The following DNM3 variants were observed in gnomAD, a reference collection of about 807,000 sequenced individuals.
DNM3 encodes dynamin 3, also known as dynamin-3.
Under a neutral mutation model 101.6 loss-of-function variants are expected in DNM3, and 47 were observed. The observed-to-expected ratio is 0.46, with a 90% CI of 0.37 to 0.59. DNM3 has a LOEUF of 0.59. Ranked by LOEUF, DNM3 falls within the 20% of genes least tolerant of loss-of-function variation. DNM3 has a pLI of 0.00. For missense variants in DNM3, 849 were observed against 1,085.7 expected (o/e 0.78, Z 3.06); for synonymous variants, 385 against 387.9 (o/e 0.99, Z 0.09).
rs553235608 is a variant in DNM3 at position 171,895,031 on chromosome 1, C to T, written c.162-26717C>T. Among the ~76,000 whole-genome samples the T allele has an allele frequency of 2.6e-5, 4 of 152,304 alleles. No individual in the cohort carries two copies. In the South Asian group the frequency reaches 8.3e-4, roughly 32 times the overall value. On this transcript the variant is annotated intron_variant, in intron 1 of 20. Transcript: ENST00000627582. ...ATGTGCCACATTTTCTTAATCCAGT[C>T]TATCATTGATGGACATTTGGGTTGG...
intron 14 of DNM3, among the ~76,000 whole-genome samples, chr1:172,234,612 C>G (rs2148622614): frequency 6.6e-6 from 1 of 152,270 alleles, no homozygotes; most frequent in African/African-American, 2.4e-5. Flanking sequence ...CTGGAGGCAT[C>G]ACGCTACCTG....
At chr1:172,024,791 C>T (rs926135806) in intron 4 of DNM3, among the ~76,000 whole-genome samples, 12 of 152,218 alleles carry the variant, frequency 7.9e-5, no homozygotes, top group African/African-American at 2.2e-4. Context: ...GCTTTTCCCA[C>T]GGTCTTCACA....
At chr1:171,899,057 C>T (rs2038072536) in intron 1 of DNM3, among the ~76,000 whole-genome samples, 1 of 152,222 alleles carries the variant, frequency 6.6e-6, no homozygotes, top group African/African-American at 2.4e-5. Context: ...CCTCCGGACG[C>T]TTGCCTAGCT....
chr1:171,888,298 G>A (rs2036959323), intron 1 of DNM3, among the ~76,000 whole-genome samples: 1 of 152,008 alleles, frequency 6.6e-6, no homozygotes, highest in Admixed American at 6.6e-5. Context: ...TAAAACCAAG[G>A]TCAAATGAAA....
intron 14 of DNM3, among the ~76,000 whole-genome samples, chr1:172,187,234 C>A (rs1028342677): frequency 1.3e-5 from 2 of 152,152 alleles, no homozygotes; most frequent in East Asian, 3.9e-4. Context: ...ATTTTTCACA[C>A]CACTTACGCT....
intron 14 of DNM3, among the ~76,000 whole-genome samples, chr1:172,200,256 G>A (rs538899714): frequency 1.3e-5 from 2 of 152,192 alleles, no homozygotes; most frequent in Admixed American, 6.5e-5. Flanking sequence ...GGCTTATAGG[G>A]TTTCAGCTGG....
intron 2 of DNM3, among the ~76,000 whole-genome samples, chr1:171,940,157 C>T (rs528276692): frequency 2.0e-4 from 31 of 152,284 alleles, no homozygotes; most frequent in African/African-American, 6.7e-4. Flanking sequence ...TTTGTACTCA[C>T]TCTAGGTGTT....
intron 17 of DNM3, chr1:172,376,375 T>A (rs1573655056): frequency 1.3e-5 from 2 of 152,102 alleles, no homozygotes; most frequent in African/African-American, 4.8e-5. Context: ...TTGATGAGGA[T>A]AATGATAAAC....
intron 4 of DNM3, among the ~76,000 whole-genome samples, chr1:171,998,915 G>T (rs61805849): frequency 0.089 from 13,482 of 152,112 alleles, 843 homozygotes; most frequent in Non-Finnish European, 0.14. Context: ...CAAGGAGGAT[G>T]TTGAGGCTGG....
Position 172,281,999 on chromosome 1 carries a change from A to G in DNM3, c.1770-26729A>G, listed in dbSNP as rs552290249. On this transcript the variant is annotated intron_variant, in intron 15 of 20. Coordinates refer to ENST00000627582, the MANE Select transcript of DNM3 (RefSeq NM_015569.5). The stretch of plus-strand genomic sequence containing the variant: ...CTTTGCTCTGAAATTTCTAAATTAT[A>G]TAACATTGGCATTGAAAGAGACCAA... 1.3e-4 allele frequency among the ~76,000 whole-genome samples: 20 copies of G among 152,346 alleles called. No homozygotes were observed. The East Asian group carries it at 3.3e-3, about 25-fold the overall frequency.
chr1:172,257,194 T>C (rs951044741), intron 15 of DNM3, among the ~76,000 whole-genome samples: 1 of 152,106 alleles, frequency 6.6e-6, no homozygotes, highest in Non-Finnish European at 1.5e-5. Context: ...TCAGCAAGTA[T>C]ATATTAGGCA....
In DNM3 at chr1:172,412,118, G is replaced by A. The variant is rs1357964207; in HGVS notation, c.*4277G>A. The A allele has an allele frequency of 1.0e-6, 1 of 985,534 alleles. No homozygotes were observed. Among genetic ancestry groups the A allele is most frequent in the African/African-American group, 1.7e-5 (1 of 57,186 alleles). 61.0% of individuals were successfully genotyped at this position (985,534 alleles called of 1,614,324 possible). A position where few individuals can be genotyped will look rare whatever the true frequency, so the allele number is the denominator to read the frequency against. ...GAGCAAGAGAGAGGAAACTCAAAGA[G>A]GAGTGTTTGTCTTAAGACCTGTTCA... is the stretch of plus-strand genomic sequence containing the variant. On this transcript the variant is annotated 3_prime_UTR_variant, in exon 21 of 21. Coordinates refer to ENST00000627582, the MANE Select transcript of DNM3 (RefSeq NM_015569.5).
chr1:172,154,773 G>C (rs1323952423), intron 14 of DNM3, among the ~76,000 whole-genome samples: 1 of 152,040 alleles, frequency 6.6e-6, no homozygotes, highest in Non-Finnish European at 1.5e-5. Context: ...ATGTAGTGTA[G>C]TAATACAACT....
At chr1:172,102,275 G>GT (rs1285742784) in intron 13 of DNM3, among the ~76,000 whole-genome samples, 1 of 152,020 alleles carries the variant, frequency 6.6e-6, no homozygotes, top group Admixed American at 6.6e-5. Context: ...TTGCCATTTT[G>GT]TTTTTTAATT....
At chr1:172,340,272 T>C (rs902483201) in intron 17 of DNM3, among the ~76,000 whole-genome samples, 1 of 152,214 alleles carries the variant, frequency 6.6e-6, no homozygotes, top group Non-Finnish European at 1.5e-5. Context: ...CAGAATCAGA[T>C]GTAGGTCAAC....
chr1:172,392,872 G>A (rs1417034595), intron 20 of DNM3, among the ~76,000 whole-genome samples: 1 of 152,142 alleles, frequency 6.6e-6, no homozygotes, highest in Non-Finnish European at 1.5e-5. Flanking sequence ...TCATTCGAAA[G>A]GATTTGGGTT....
At chr1:171,976,608 G>A (rs976731792) in intron 2 of DNM3, among the ~76,000 whole-genome samples, 3 of 152,080 alleles carry the variant, frequency 2.0e-5, no homozygotes, top group African/African-American at 7.2e-5. Context: ...GATTTGGGTG[G>A]GGACACAGCC....
chr1:172,246,769 A>T (rs1041135445), intron 14 of DNM3, among the ~76,000 whole-genome samples: 1 of 152,152 alleles, frequency 6.6e-6, no homozygotes, highest in African/African-American at 2.4e-5. Flanking sequence ...GTATGGTTAC[A>T]TAACTCTGTG....
intron 2 of DNM3, among the ~76,000 whole-genome samples, chr1:171,982,652 ATGTGTGTGTT>A (rs1422786384): frequency 9.9e-6 from 1 of 100,756 alleles, no homozygotes; most frequent in African/African-American, 3.7e-5. Context: ...TTTTGCATGC[ATGTGTGTGTT>A]TGTGTGTGTG....
Sources: allele counts gnomAD v4.1 joint callset (sites outside exome capture counted in the v4.1 genomes callset), GRCh38; gene constraint gnomAD v4.1.1; transcripts MANE v1.5; gene names NCBI Gene and HGNC (gene_info 2026-07-23, HGNC 2026-07-21).